The following DMXL2 variants were observed in gnomAD, a reference collection of about 807,000 sequenced individuals.
DMXL2 encodes the protein dmX-like protein 2.
A neutral mutation model predicts 331.1 loss-of-function variants in DMXL2; 103 were observed. The observed-to-expected ratio is 0.31, with a 90% CI of 0.27 to 0.37. The LOEUF (loss-of-function observed/expected upper bound fraction) is 0.37, where lower values mean the gene tolerates loss of function less well. DMXL2 is among the 10% of genes least tolerant of loss of function. The pLI is 1.00. For missense variants in DMXL2, 3,171 were observed against 3,642.9 expected (o/e 0.87, Z 3.33); for synonymous variants, 1,281 against 1,252.1 (o/e 1.02, Z -0.49).
At chr15:51,621,638 A>C (rs1009950727) in intron 1 of DMXL2, among the ~76,000 whole-genome samples, 8 of 152,220 alleles carry the variant, frequency 5.3e-5, no homozygotes, top group Non-Finnish European at 8.8e-5. Flanking sequence ...TCTCCTTGAG[A>C]AACATGTCTA....
chr15:51,513,237 A>G (rs946272084), intron 15 of DMXL2, among the ~76,000 whole-genome samples: 1 of 152,228 alleles, frequency 6.6e-6, no homozygotes, highest in Non-Finnish European at 1.5e-5. Flanking sequence ...CCAACTTTAT[A>G]TAAGCATTGA....
intron 2 of DMXL2, among the ~76,000 whole-genome samples, chr15:51,573,644 C>T (rs1176620688): frequency 6.6e-6 from 1 of 151,674 alleles, no homozygotes; most frequent in Non-Finnish European, 1.5e-5. Flanking sequence ...AGTTGAACAA[C>T]GAGAACACAT....
chr15:51,503,480 C>G (rs1219483362), intron 16 of DMXL2, among the ~76,000 whole-genome samples: 1 of 152,052 alleles, frequency 6.6e-6, no homozygotes, highest in Non-Finnish European at 1.5e-5. Flanking sequence ...CACAGAAATA[C>G]AAATATCACC....
Position 51,542,383 on chromosome 15 carries a change from G to A in DMXL2, c.1055C>T (p.Ala352Val), listed in dbSNP as rs749479623. Residue 352 changes from alanine (A) to valine (V), a missense_variant, in exon 9 of 44, where the codon GCA becomes GTA. Ala to Val is a moderately conservative substitution (Grantham distance 64). Coordinates refer to ENST00000560891, the MANE Select transcript of DMXL2 (RefSeq NM_001378457.1). ...HEVQRHISHH[A>V]NALCHFHIAA... ...AATATGAAAATGACAGAGTGCATTT[G>A]CATGGTGGGAAATGTGTCTTTGAAC... is the stretch of plus-strand genomic sequence containing the variant. 6.2e-7 allele frequency: 1 copy of A among 1,613,772 alleles called. No individual in the cohort carries two copies. The highest frequency in any genetic ancestry group is 1.3e-5 in the African/African-American group (1 of 75,038).
intron 1 of DMXL2, among the ~76,000 whole-genome samples, chr15:51,609,891 T>C (rs763846298): frequency 2.0e-5 from 3 of 151,396 alleles, no homozygotes; most frequent in Non-Finnish European, 4.4e-5. Context: ...GATTGCGCCA[T>C]TGCACTCCAG....
In DMXL2 at chr15:51,536,347, T is replaced by C. The variant is rs777611073; in HGVS notation, c.2133A>G (p.Ala711=). The stretch of plus-strand genomic sequence containing the variant: ...CATTTGGGTCATGAAATGTACGAGT[T>C]GCTGCATTTCTAAGAGGTTGTTTCG... The part of the protein sequence containing the change: ...GSSKQPLRNA[A]TRTFHDPNAI... The change falls in exon 12 of 44, where the codon GCA becomes GCG. Residue 711 remains alanine (A), a synonymous_variant. Transcript: ENST00000560891. 6.2e-7 allele frequency: 1 copy of C among 1,613,980 alleles called. No individual in the cohort carries two copies. Among genetic ancestry groups the C allele is most frequent in the South Asian group, 1.1e-5 (1 of 91,034 alleles).
At chr15:51,620,605 C>G (rs1189605745) in intron 1 of DMXL2, among the ~76,000 whole-genome samples, 1 of 152,168 alleles carries the variant, frequency 6.6e-6, no homozygotes, top group Non-Finnish European at 1.5e-5. Flanking sequence ...GAAAATTATC[C>G]TAGCAGCGGT....
chr15:51,471,215 C>T lies in DMXL2; in HGVS notation c.7392+8G>A, dbSNP rs201866154. The stretch of plus-strand genomic sequence containing the variant: ...TCTCTTAAAGCTTGCATTCCTCACA[C>T]TCCTTACCTTTGCAACAAAATAATC... On this transcript the variant is annotated splice_region_variant and intron_variant, in intron 29 of 43. Transcript: ENST00000560891. 6.8e-6 allele frequency: 11 copies of T among 1,612,516 alleles called. No homozygotes were observed. In the East Asian group the frequency reaches 2.0e-4, roughly 29 times the overall value.
At chr15:51,599,942 G>T (rs2141304775) in intron 1 of DMXL2, among the ~76,000 whole-genome samples, 1 of 151,936 alleles carries the variant, frequency 6.6e-6, no homozygotes, top group East Asian at 1.9e-4. Context: ...CTCGTGATCT[G>T]CCCGCCTCAG....
intron 33 of DMXL2, chr15:51,460,076 A>ATATT (rs1477576266): frequency 1.1e-6 from 1 of 943,188 alleles, no homozygotes; most frequent in Middle Eastern, 5.5e-4. Flanking sequence ...TAGATTCAAA[A>ATATT]TATTGATAAT....
In DMXL2 at chr15:51,499,778, C is replaced by T. The variant is rs775038918; in HGVS notation, c.3446G>A (p.Ser1149Asn). The change falls in exon 18 of 44, where the codon AGC (serine) becomes AAC (asparagine). Residue 1149 changes from serine to asparagine, a missense_variant. By Grantham distance (46) the Ser-to-Asn change is conservative. This residue lies in a region of DMXL2 where 1,674 missense variants were observed against 1,780.2 expected (regional missense o/e 0.94). Coordinates refer to ENST00000560891, the MANE Select transcript of DMXL2 (RefSeq NM_001378457.1). Reference sequence around the variant, plus strand: ...CTTGCTCAAGAGTGCATCTGACTTGCTATACACAAACAGATTACTGTCGAC... The same window carrying T: ...CTTGCTCAAGAGTGCATCTGACTTGTTATACACAAACAGATTACTGTCGAC... Reference protein sequence around the residue: ...VSVDSNLFVYSKSDALLSKDR... With the variant: ...VSVDSNLFVYNKSDALLSKDR... 5 of 1,613,972 alleles carry T rather than the reference C, an allele frequency of 3.1e-6. No individual in the cohort carries two copies. In the African/African-American group the frequency reaches 4.0e-5, roughly 13 times the overall value.
Position 51,450,449 on chromosome 15 carries a change from T to A in DMXL2, c.8750-103A>T, listed in dbSNP as rs901607750. On this transcript the variant is annotated intron_variant, in intron 42 of 43. Transcript: ENST00000560891. ...AATACAGACCTTACTGATGCATTTT[T>A]CATTCTAAGGTACATTTATTGTTTT... 210 of 1,068,456 alleles carry A rather than the reference T, an allele frequency of 2.0e-4. 1 individual carries two copies. The highest frequency in any genetic ancestry group is 3.5e-5 in the Non-Finnish European group (25 of 713,562). 66.2% of individuals were successfully genotyped at this position (1,068,456 alleles called of 1,614,324 possible).
intron 29 of DMXL2, among the ~76,000 whole-genome samples, chr15:51,469,908 A>G (rs931958801): frequency 2.0e-5 from 3 of 152,182 alleles, no homozygotes; most frequent in African/African-American, 7.2e-5. Context: ...GATAGAGTGT[A>G]AACCTGGAAA....
At chr15:51,549,780 G>A (rs2140956951) in intron 6 of DMXL2, among the ~76,000 whole-genome samples, 1 of 152,136 alleles carries the variant, frequency 6.6e-6, no homozygotes, top group South Asian at 2.1e-4. Context: ...GTCTATTGAT[G>A]TCCTCAGTCC....
At position 51,507,256 on chromosome 15, in the gene DMXL2, A is replaced by G. The variant is rs772502227; in HGVS notation, c.2645-3T>C. 5 of 1,603,426 alleles carry G rather than the reference A, an allele frequency of 3.1e-6. No homozygotes were observed. The highest frequency in any genetic ancestry group is 2.2e-5 in the East Asian group (1 of 44,622). On this transcript the variant is annotated splice_polypyrimidine_tract_variant and splice_region_variant and intron_variant, in intron 15 of 43. Coordinates refer to ENST00000560891, the MANE Select transcript of DMXL2 (RefSeq NM_001378457.1). ...TGAAAATGGTGGTGGGCGGTATCCTATTATTCAAAGGAAAAGGATATTTAA... is the reference window on the plus strand; with the variant it reads ...TGAAAATGGTGGTGGGCGGTATCCTGTTATTCAAAGGAAAAGGATATTTAA...
At chr15:51,475,370 T>C (rs953697278) in intron 27 of DMXL2, among the ~76,000 whole-genome samples, 6 of 152,122 alleles carry the variant, frequency 3.9e-5, no homozygotes, top group Non-Finnish European at 7.4e-5. Flanking sequence ...GTTATGCGTC[T>C]ATAGTCCCAG....
chr15:51,508,230 G>A (rs2046531524), intron 15 of DMXL2, among the ~76,000 whole-genome samples: 1 of 152,148 alleles, frequency 6.6e-6, no homozygotes, highest in Admixed American at 6.6e-5. Context: ...TAACATAGAT[G>A]ACAGGTTGAT....
intron 24 of DMXL2, 91 bp from the exon 25 acceptor site, chr15:51,480,230 A>T: frequency 7.9e-7 from 1 of 1,272,440 alleles, no homozygotes; most frequent in Non-Finnish European, 1.1e-6. Context: ...CATTGTGTAA[A>T]GGGAATATGT....
Position 51,481,493 on chromosome 15 carries a change from C to G in DMXL2, c.5613G>C (p.Lys1871Asn). 6.2e-7 allele frequency: 1 copy of G among 1,613,548 alleles called. No individual in the cohort carries two copies. Among genetic ancestry groups the G allele is most frequent in the Non-Finnish European group, 8.5e-7 (1 of 1,179,858 alleles). The change falls in exon 24 of 44, where the codon AAG becomes AAC. Residue 1871 changes from lysine to asparagine, a missense_variant. By Grantham distance (94) the Lys-to-Asn change is moderately conservative. Coordinates refer to ENST00000560891, the MANE Select transcript of DMXL2 (RefSeq NM_001378457.1). ...TGAGGTTAATTTTATCAACAAAGTT[C>G]TTCTCAGTTTTGAGACCTAAGGTTG... ...TLATLGLKTE[K>N]NFVDKINLIE...
Sources: allele counts gnomAD v4.1 joint callset (sites outside exome capture counted in the v4.1 genomes callset), GRCh38; gene constraint gnomAD v4.1.1; regional missense constraint gnomAD v4.1.1; transcripts MANE v1.5; gene names NCBI Gene and HGNC (gene_info 2026-07-23, HGNC 2026-07-21).